The following NHLH1 variants were observed in gnomAD, a reference collection of about 807,000 sequenced individuals.
NHLH1 encodes the protein helix-loop-helix protein 1.
A neutral mutation model predicts 6.7 loss-of-function variants in NHLH1; 3 were observed. The observed-to-expected ratio is 0.44, with a 90% CI of 0.20 to 1.15. The LOEUF (loss-of-function observed/expected upper bound fraction) is 1.15. Among genes scored for constraint, NHLH1 ranks in the 50% most tolerant of loss-of-function variants. The probability of loss-of-function intolerance (pLI) is 0.26; values close to 1 mark genes in which losing one functional copy is unlikely to be tolerated. For missense variants in NHLH1, 177 were observed against 189.5 expected, an observed-to-expected ratio of 0.93 and a Z score of 0.39; for synonymous variants, 92 against 84.2, an observed-to-expected ratio of 1.09 and a Z score of -0.51.
At position 160,370,803 on chromosome 1, in the gene NHLH1, T is replaced by C. The variant is rs1469008605; in HGVS notation, c.72T>C (p.Ser24=). The part of the protein sequence containing the change: ...PTHSETESGF[S]DCGGGAGPDG... ...ACTCAGAGACTGAGTCGGGCTTCAGTGACTGTGGGGGCGGGGCGGGCCCTG... is the reference window on the plus strand; with the variant it reads ...ACTCAGAGACTGAGTCGGGCTTCAGCGACTGTGGGGGCGGGGCGGGCCCTG... Residue 24 remains serine (S), a synonymous_variant, in exon 2 of 2, where the codon AGT becomes AGC. Coordinates refer to ENST00000302101, the MANE Select transcript of NHLH1 (RefSeq NM_005598.4). 4 of 1,611,514 alleles carry C rather than the reference T, an allele frequency of 2.5e-6. No homozygotes were observed. Among genetic ancestry groups the C allele is most frequent in the Non-Finnish European group, 2.5e-6 (3 of 1,179,430 alleles).
Position 160,370,911 on chromosome 1 carries a change from T to C in NHLH1, c.180T>C (p.His60=). Residue 60 remains histidine (H), a synonymous_variant, in exon 2 of 2, where the codon CAT becomes CAC. Transcript: ENST00000302101. ...AGCCTGGCCGGAAAGACCTGCAGCA[T>C]CTGAGCCGCGAGGAGCGCCGGCGCC... is the stretch of plus-strand genomic sequence containing the variant. ...PGEPGRKDLQ[H]LSREERRRRR... The C allele has an allele frequency of 6.2e-7, 1 of 1,607,690 alleles. No homozygotes were observed. Among genetic ancestry groups the C allele is most frequent in the Non-Finnish European group, 8.5e-7 (1 of 1,176,914 alleles).
chr1:160,370,537 TTC>T lies in NHLH1; in HGVS notation c.-175-14_-175-13del. 1 of 576,668 alleles carries T rather than the reference TTC, an allele frequency of 1.7e-6. No individual in the cohort carries two copies. The highest frequency in any genetic ancestry group is 3.1e-6 in the Non-Finnish European group (1 of 319,384). 35.7% of individuals were successfully genotyped at this position (576,668 alleles called of 1,614,324 possible). A position where few individuals can be genotyped will look rare whatever the true frequency, so the allele number is the denominator to read the frequency against. The stretch of plus-strand genomic sequence containing the variant: ...TCCCTCCTCCCTCCGCTGCTATCAC[TTC>T]TCTCTTCTCTTTTTCAGGCTTCAGA... On this transcript the variant is annotated intron_variant, in intron 1 of 1. Coordinates refer to ENST00000302101, the MANE Select transcript of NHLH1 (RefSeq NM_005598.4).
Position 160,371,215 on chromosome 1 carries a change from A to G in NHLH1, c.*82A>G, listed in dbSNP as rs557343015. On this transcript the variant is annotated 3_prime_UTR_variant, in exon 2 of 2. Coordinates refer to ENST00000302101, the MANE Select transcript of NHLH1 (RefSeq NM_005598.4). ...GCTTAGAAAGGCCGCATCCTCCCCG[A>G]GCCCTTATACCTTGGCATGGAGTCC... is the stretch of plus-strand genomic sequence containing the variant. 1 of 1,520,632 alleles carries G rather than the reference A, an allele frequency of 6.6e-7. No homozygotes were observed. Among genetic ancestry groups the G allele is most frequent in the African/African-American group, 1.4e-5 (1 of 71,088 alleles). The allele number at this position is 1,520,632 out of a possible 1,614,324, so 94.2% of individuals were successfully genotyped here. A position where few individuals can be genotyped will look rare whatever the true frequency, so the allele number is the denominator to read the frequency against.
chr1:160,370,571 C>A lies in NHLH1; in HGVS notation c.-161C>A. 7.7e-6 allele frequency: 5 copies of A among 650,302 alleles called. No homozygotes were observed. In the South Asian group the frequency reaches 9.7e-5, roughly 13 times the overall value. The allele number at this position is 650,302 out of a possible 1,614,324, so 40.3% of individuals were successfully genotyped here. A position where few individuals can be genotyped will look rare whatever the true frequency, so the allele number is the denominator to read the frequency against. On this transcript the variant is annotated 5_prime_UTR_variant, in exon 2 of 2. Coordinates refer to ENST00000302101, the MANE Select transcript of NHLH1 (RefSeq NM_005598.4). The stretch of plus-strand genomic sequence containing the variant: ...CTCTTTTTCAGGCTTCAGACTGGCA[C>A]CCTGACCATGGAACCCTGAAGTGGC...
rs1392297907 is a variant in NHLH1 at position 160,371,668 on chromosome 1, G to C, written c.*535G>C. The stretch of plus-strand genomic sequence containing the variant: ...TGGCAGAGGGGTGAGGCCCTGGGGA[G>C]GCAGGGGTTGGTGCCCTGACTCCTG... On this transcript the variant is annotated 3_prime_UTR_variant, in exon 2 of 2. Transcript: ENST00000302101. The C allele has an allele frequency of 6.0e-6, 1 of 167,400 alleles. No individual in the cohort carries two copies. Among genetic ancestry groups the C allele is most frequent in the Non-Finnish European group, 1.5e-5 (1 of 68,370 alleles). The allele number at this position is 167,400 out of a possible 1,614,324, so 10.4% of individuals were successfully genotyped here.
chr1:160,371,877 G>A lies in NHLH1; in HGVS notation c.*744G>A, dbSNP rs1014972455. ...TACTGTCCCAATTTTCTCCCTCCCTGTGTGTCACTAGAGAAAAAAAAAAAC... is the reference window on the plus strand; with the variant it reads ...TACTGTCCCAATTTTCTCCCTCCCTATGTGTCACTAGAGAAAAAAAAAAAC... On this transcript the variant is annotated 3_prime_UTR_variant, in exon 2 of 2. Transcript: ENST00000302101. The A allele has an allele frequency of 1.2e-5, 2 of 165,714 alleles. No individual in the cohort carries two copies. The highest frequency in any genetic ancestry group is 1.5e-5 in the Non-Finnish European group (1 of 68,006). 10.3% of individuals were successfully genotyped at this position (165,714 alleles called of 1,614,324 possible). A position where few individuals can be genotyped will look rare whatever the true frequency, so the allele number is the denominator to read the frequency against.
At position 160,371,265 on chromosome 1, in the gene NHLH1, A is replaced by G. The variant is rs1649620322; in HGVS notation, c.*132A>G. 1.4e-6 allele frequency: 2 copies of G among 1,408,880 alleles called. No individual in the cohort carries two copies. The highest frequency in any genetic ancestry group is 1.9e-6 in the Non-Finnish European group (2 of 1,064,292). 87.3% of individuals were successfully genotyped at this position (1,408,880 alleles called of 1,614,324 possible). A position where few individuals can be genotyped will look rare whatever the true frequency, so the allele number is the denominator to read the frequency against. On this transcript the variant is annotated 3_prime_UTR_variant, in exon 2 of 2. Transcript: ENST00000302101. ...CCAAAGGCCCTGGGCACAGGCAGAG[A>G]GCCCACCGGCTGGTCATGAGGGCCT... is the stretch of plus-strand genomic sequence containing the variant.
chr1:160,367,905 C>T (rs970560997), intron 1 of NHLH1, among the ~76,000 whole-genome samples: 1 of 152,158 alleles, frequency 6.6e-6, no homozygotes, highest in Non-Finnish European at 1.5e-5. Flanking sequence ...CTGGGAGGTG[C>T]TGACTTTGGG....
In NHLH1 at chr1:160,371,890, G is replaced by GA. The variant is rs112378041; in HGVS notation, c.*768dup. 12,515 of 149,902 alleles carry GA rather than the reference G, an allele frequency of 0.083. 887 individuals are homozygous for GA. Among genetic ancestry groups the GA allele is most frequent in the African/African-American group, 0.21 (8,103 of 38,742 alleles). 9.3% of individuals were successfully genotyped at this position (149,902 alleles called of 1,614,324 possible). The stretch of plus-strand genomic sequence containing the variant: ...TTCTCCCTCCCTGTGTGTCACTAGA[G>GA]AAAAAAAAAAACAAAAACCTAGATT... On this transcript the variant is annotated 3_prime_UTR_variant, in exon 2 of 2. Transcript: ENST00000302101.
rs76750614 is a variant in NHLH1, at chr1:160,369,040, T to C, written c.-175-1517T>C. 1.9e-3 allele frequency among the ~76,000 whole-genome samples: 288 copies of C among 152,356 alleles called. 3 individuals carry two copies. The East Asian group carries it at 0.027, about 14-fold the overall frequency. On this transcript the variant is annotated intron_variant, in intron 1 of 1. Coordinates refer to ENST00000302101, the MANE Select transcript of NHLH1 (RefSeq NM_005598.4). ...TATTCACATTGTTGTGAAACAGATCTCTAGCAATTTTTCATCCTGCAAATG... is the reference window on the plus strand; with the variant it reads ...TATTCACATTGTTGTGAAACAGATCCCTAGCAATTTTTCATCCTGCAAATG...
chr1:160,372,333 ATATTTATT>A lies in NHLH1; in HGVS notation c.*1217_*1224del, dbSNP rs553221245. 8.5e-5 allele frequency: 14 copies of A among 164,248 alleles called. No homozygotes were observed. The East Asian group carries it at 9.7e-4, about 11-fold the overall frequency. The allele number at this position is 164,248 out of a possible 1,614,324, so 10.2% of individuals were successfully genotyped here. A position where few individuals can be genotyped will look rare whatever the true frequency, so the allele number is the denominator to read the frequency against. On this transcript the variant is annotated 3_prime_UTR_variant, in exon 2 of 2. Transcript: ENST00000302101. ...GCACCAAACTCCTAGCTCTACAAGT[ATATTTATT>A]TATTTATTTATTTATTCATCTATTT...
Position 160,370,937 on chromosome 1 carries a change from G to GGCGCC in NHLH1, c.212_216dup (p.Thr73AlafsTer57). ...CTGAGCCGCGAGGAGCGCCGGCGCC[G>GGCGCC]GCGCCGCGCCACAGCCAAGTACCGC... On this transcript the variant is annotated frameshift_variant, in exon 2 of 2. Transcript: ENST00000302101. LOFTEE classifies it high-confidence loss of function. 2 of 1,608,834 alleles carry GGCGCC rather than the reference G, an allele frequency of 1.2e-6. No homozygotes were observed. Among genetic ancestry groups the GGCGCC allele is most frequent in the Non-Finnish European group, 8.5e-7 (1 of 1,177,312 alleles).
rs367912391 is a variant in NHLH1 at position 160,371,156 on chromosome 1, C to T, written c.*23C>T. On this transcript the variant is annotated 3_prime_UTR_variant, in exon 2 of 2. Transcript: ENST00000302101. ...TGAACTCAGCCTGTCTCCCACCTCC[C>T]GGGCCTCTCTGGGGCCCCTTTCCAC... is the stretch of plus-strand genomic sequence containing the variant. The T allele has an allele frequency of 1.2e-5, 19 of 1,580,470 alleles. No individual in the cohort carries two copies. Among genetic ancestry groups the T allele is most frequent in the Admixed American group, 9.0e-5 (5 of 55,710 alleles).
At position 160,372,333 on chromosome 1, in the gene NHLH1, A is replaced by T. The variant is rs1649646527; in HGVS notation, c.*1200A>T. On this transcript the variant is annotated 3_prime_UTR_variant, in exon 2 of 2. Coordinates refer to ENST00000302101, the MANE Select transcript of NHLH1 (RefSeq NM_005598.4). The stretch of plus-strand genomic sequence containing the variant: ...GCACCAAACTCCTAGCTCTACAAGT[A>T]TATTTATTTATTTATTTATTTATTC... The T allele has an allele frequency of 6.1e-6, 1 of 164,138 alleles. No homozygotes were observed. Among genetic ancestry groups the T allele is most frequent in the African/African-American group, 2.5e-5 (1 of 40,024 alleles). 10.2% of individuals were successfully genotyped at this position (164,138 alleles called of 1,614,324 possible).
chr1:160,370,720 G>A lies in NHLH1; in HGVS notation c.-12G>A. ...AGGGGATCCTGATCTCACAGGGCAG[G>A]GGGCTTCCATCATGATGCTCAACTC... is the stretch of plus-strand genomic sequence containing the variant. On this transcript the variant is annotated 5_prime_UTR_variant, in exon 2 of 2. Coordinates refer to ENST00000302101, the MANE Select transcript of NHLH1 (RefSeq NM_005598.4). 2.5e-6 allele frequency: 4 copies of A among 1,612,110 alleles called. No homozygotes were observed. The highest frequency in any genetic ancestry group is 3.4e-6 in the Non-Finnish European group (4 of 1,179,366).
chr1:160,367,599 C>T (rs1324602787), intron 1 of NHLH1, among the ~76,000 whole-genome samples: 2 of 152,102 alleles, frequency 1.3e-5, no homozygotes, highest in African/African-American at 2.4e-5. Context: ...GACCCTGGAA[C>T]TTTGAGACCA....
chr1:160,370,993 G>A lies in NHLH1; in HGVS notation c.262G>A (p.Val88Met). The change falls in exon 2 of 2, where the codon GTG becomes ATG. Residue 88 changes from valine to methionine, a missense_variant. Coordinates refer to ENST00000302101, the MANE Select transcript of NHLH1 (RefSeq NM_005598.4). ...CCACGCCACGCGAGAACGCATCCGCGTGGAAGCCTTCAACCTGGCCTTCGC... is the reference window on the plus strand; with the variant it reads ...CCACGCCACGCGAGAACGCATCCGCATGGAAGCCTTCAACCTGGCCTTCGC... ...TAHATRERIR[V>M]EAFNLAFAEL... The A allele has an allele frequency of 6.2e-7, 1 of 1,613,954 alleles. No homozygotes were observed. The highest frequency in any genetic ancestry group is 8.5e-7 in the Non-Finnish European group (1 of 1,179,930).
chr1:160,369,133 TTCTACTTTCTGTTTC>T (rs1002618472), intron 1 of NHLH1, among the ~76,000 whole-genome samples: 5 of 152,208 alleles, frequency 3.3e-5, no homozygotes, highest in African/African-American at 1.2e-4. Context: ...GCAACGGCCA[TTCTACTTTCTGTTTC>T]TATGAATTAG....
In NHLH1 at chr1:160,371,232, A is replaced by G; in HGVS notation, c.*99A>G. ...CCTCCCCGAGCCCTTATACCTTGGC[A>G]TGGAGTCCCAAAGGCCCTGGGCACA... On this transcript the variant is annotated 3_prime_UTR_variant, in exon 2 of 2. Transcript: ENST00000302101. 2 of 1,494,018 alleles carry G rather than the reference A, an allele frequency of 1.3e-6. No homozygotes were observed. The highest frequency in any genetic ancestry group is 4.8e-5 in the East Asian group (2 of 41,894). The allele number at this position is 1,494,018 out of a possible 1,614,324, so 92.5% of individuals were successfully genotyped here.
Sources: gnomAD v4.1 joint callset for allele counts (sites outside exome capture counted in the v4.1 genomes callset) on GRCh38, gnomAD v4.1.1 for gene constraint, MANE v1.5 for transcripts, NCBI Gene and HGNC (gene_info 2026-07-23, HGNC 2026-07-21) for gene names.